Variants in KIAA1217 observed in about 807,000 individuals in gnomAD.
KIAA1217 encodes sickle tail protein homolog.
In KIAA1217, 88 loss-of-function variants were observed where a neutral mutation model predicts 163.9. That is an observed-to-expected ratio of 0.54 (90% CI 0.45 to 0.64). KIAA1217 has a LOEUF of 0.64. Ranked by LOEUF, KIAA1217 falls within the 30% of genes least tolerant of loss-of-function variation. The pLI, the probability that KIAA1217 is intolerant of heterozygous loss-of-function variation, is 0.00. For missense variants in KIAA1217, 2,372 were observed against 2,475.0 expected (o/e 0.96, Z 0.88); for synonymous variants, 903 against 923.1 (o/e 0.98, Z 0.39).
intron 1 of KIAA1217, among the ~76,000 whole-genome samples, chr10:23,734,892 T>G (rs1170457848): frequency 6.6e-6 from 1 of 152,156 alleles, no homozygotes; most frequent in Non-Finnish European, 1.5e-5. Context: ...TTGTACAGAT[T>G]ATTTCATCAC....
chr10:23,717,421 A>G (rs1009174771), intron 1 of KIAA1217, among the ~76,000 whole-genome samples: 3 of 152,086 alleles, frequency 2.0e-5, no homozygotes, highest in African/African-American at 7.2e-5. Context: ...CTATCACACT[A>G]TGAGGTAGGA....
chr10:23,764,791 TTGAGGGGTGGGGCC>T (rs1405904972), intron 1 of KIAA1217, among the ~76,000 whole-genome samples: 1 of 151,980 alleles, frequency 6.6e-6, no homozygotes, highest in African/African-American at 2.4e-5. Flanking sequence ...CCAGGGCCTG[TTGAGGGGTGGGGCC>T]TGAGGGGTGG....
At position 24,524,656 on chromosome 10, in the gene KIAA1217, G is replaced by A. The variant is rs145162894; in HGVS notation, c.2790G>A (p.Ser930=). Residue 930 remains serine, a synonymous_variant, in exon 13 of 21, where the codon TCG becomes TCA. Transcript: ENST00000376454. ...PQEATSTLQM[S]QAPQSPQIPM... ...AAGCAACCTCCACTCTGCAGATGTC[G>A]CAGGCTCCGCAGTCCCCACAGATAC... 5.3e-3 allele frequency: 8,531 copies of A among 1,614,110 alleles called. 32 individuals are homozygous for A. Among genetic ancestry groups the A allele is most frequent in the Non-Finnish European group, 6.8e-3 (8,028 of 1,180,016 alleles).
At chr10:24,267,357 A>G (rs545299970) in intron 2 of KIAA1217, among the ~76,000 whole-genome samples, 1 of 152,214 alleles carries the variant, frequency 6.6e-6, no homozygotes, top group Non-Finnish European at 1.5e-5. Flanking sequence ...GAATATGGGT[A>G]AGGTCTTACA....
At chr10:24,136,256 T>G (rs969512528) in intron 2 of KIAA1217, among the ~76,000 whole-genome samples, 4 of 152,160 alleles carry the variant, frequency 2.6e-5, no homozygotes, top group African/African-American at 4.8e-5. Flanking sequence ...TCAAACATAA[T>G]GAGTAATTGA....
chr10:23,976,716 C>T (rs999610527), intron 1 of KIAA1217, among the ~76,000 whole-genome samples: 5 of 152,134 alleles, frequency 3.3e-5, no homozygotes, highest in Admixed American at 6.5e-5. Context: ...TCTTCAAAGA[C>T]ATTCTGTATT....
chr10:24,326,504 T>C (rs1187157442), intron 2 of KIAA1217, among the ~76,000 whole-genome samples: 7 of 152,212 alleles, frequency 4.6e-5, no homozygotes, highest in Non-Finnish European at 1.0e-4. Context: ...GTTGTAGTTA[T>C]ATAATTCATT....
At chr10:24,139,824 A>G (rs750607816) in intron 2 of KIAA1217, among the ~76,000 whole-genome samples, 2 of 152,182 alleles carry the variant, frequency 1.3e-5, no homozygotes, top group Non-Finnish European at 2.9e-5. Context: ...CAAGTCCTAT[A>G]TATACTATGT....
At chr10:24,342,167 C>G (rs1042696040) in intron 2 of KIAA1217, among the ~76,000 whole-genome samples, 1 of 152,182 alleles carries the variant, frequency 6.6e-6, no homozygotes, top group Admixed American at 6.5e-5. Flanking sequence ...CAGAGAGCAA[C>G]AGTCACAAAC....
At chr10:24,514,190 A>G (rs1048383182) in intron 10 of KIAA1217, among the ~76,000 whole-genome samples, 1 of 152,240 alleles carries the variant, frequency 6.6e-6, no homozygotes, top group Non-Finnish European at 1.5e-5. Flanking sequence ...AAGATTTATC[A>G]TAGAACTATC....
At chr10:24,455,131 T>G (rs750570485) in intron 5 of KIAA1217, among the ~76,000 whole-genome samples, 1 of 152,196 alleles carries the variant, frequency 6.6e-6, no homozygotes, top group Non-Finnish European at 1.5e-5. Flanking sequence ...TTTTTATTAT[T>G]CGTAACAATG....
At chr10:24,246,108 T>A (rs1192627496) in intron 2 of KIAA1217, among the ~76,000 whole-genome samples, 1 of 152,212 alleles carries the variant, frequency 6.6e-6, no homozygotes, top group Non-Finnish European at 1.5e-5. Context: ...CATCCTTTTT[T>A]ATGATAAGTT....
intron 2 of KIAA1217, among the ~76,000 whole-genome samples, chr10:24,281,902 A>G (rs1344086345): frequency 1.3e-5 from 2 of 152,078 alleles, no homozygotes; most frequent in Admixed American, 1.3e-4. Flanking sequence ...CTAAAAATAC[A>G]AAAAATTAGC....
chr10:23,793,489 C>T (rs1836057991), intron 1 of KIAA1217, among the ~76,000 whole-genome samples: 1 of 152,180 alleles, frequency 6.6e-6, no homozygotes, highest in African/African-American at 2.4e-5. Flanking sequence ...CAGTTCTGGT[C>T]CTGTTTGCTT....
intron 1 of KIAA1217, among the ~76,000 whole-genome samples, chr10:23,839,331 T>C (rs1838656024): frequency 6.6e-6 from 1 of 152,248 alleles, no homozygotes; most frequent in South Asian, 2.1e-4. Context: ...ATGTGGTTCT[T>C]CTTCTTGAAG....
chr10:24,437,906 C>CA (rs58645832), intron 4 of KIAA1217, among the ~76,000 whole-genome samples: 8,739 of 63,756 alleles, frequency 0.14, 829 homozygotes, highest in South Asian at 0.28. Context: ...TGTTTGAAGG[C>CA]AAAAAAAAAA....
chr10:24,535,784 TAAACAAAC>T (rs34066590), intron 16 of KIAA1217, among the ~76,000 whole-genome samples: 4 of 151,526 alleles, frequency 2.6e-5, no homozygotes, highest in African/African-American at 7.3e-5. Flanking sequence ...CTCAAATAAA[TAAACAAAC>T]AAACAAACAA....
intron 1 of KIAA1217, among the ~76,000 whole-genome samples, chr10:23,858,181 C>A (rs1245041169): frequency 6.6e-6 from 1 of 152,020 alleles, no homozygotes; most frequent in African/African-American, 2.4e-5. Context: ...TGGGCTCTGA[C>A]TTAATCCTGC....
At chr10:24,187,524 G>C (rs1208784811) in intron 2 of KIAA1217, among the ~76,000 whole-genome samples, 4 of 152,212 alleles carry the variant, frequency 2.6e-5, no homozygotes, top group African/African-American at 9.7e-5. Flanking sequence ...TACACTTGAA[G>C]ATTCATCATG....
Sources: gnomAD v4.1 joint callset for allele counts (sites outside exome capture counted in the v4.1 genomes callset) on GRCh38, gnomAD v4.1.1 for gene constraint, MANE v1.5 for transcripts, NCBI Gene and HGNC (gene_info 2026-07-23, HGNC 2026-07-21) for gene names.